The following ATP5MJ variants were observed in gnomAD, a reference collection of about 807,000 sequenced individuals.
The protein encoded by ATP5MJ is ATP synthase F(0) complex subunit j, mitochondrial.
A neutral mutation model predicts 8.3 loss-of-function variants in ATP5MJ; 4 were observed. The observed-to-expected ratio is 0.48, with a 90% CI of 0.24 to 1.11. The LOEUF is 1.11. Among genes scored for constraint, ATP5MJ ranks in the 50% least tolerant of loss-of-function variants. The probability of loss-of-function intolerance (pLI) is 0.18; values close to 1 mark genes in which losing one functional copy is unlikely to be tolerated. For missense variants in ATP5MJ, 66 were observed against 71.8 expected (o/e 0.92, Z 0.29); for synonymous variants, 23 against 21.3 (o/e 1.08, Z -0.23).
intron 1 of ATP5MJ, among the ~76,000 whole-genome samples, chr14:103,919,471 C>G (rs1283909065): frequency 1.3e-5 from 2 of 150,022 alleles, no homozygotes; most frequent in Non-Finnish European, 3.0e-5. Context: ...ATAATTAATA[C>G]TAAGCCACTG....
intron 1 of ATP5MJ, among the ~76,000 whole-genome samples, chr14:103,915,411 A>G (rs991371169): frequency 5.9e-5 from 9 of 151,984 alleles, no homozygotes; most frequent in Non-Finnish European, 7.4e-5. Flanking sequence ...CAGTGGCACA[A>G]TCTTGGCTCA....
At chr14:103,920,912 G>GCACATTA (rs1567187619) in intron 1 of ATP5MJ, 1 of 1,510,644 alleles carries the variant, frequency 6.6e-7, no homozygotes, top group Non-Finnish European at 9.0e-7. Flanking sequence ...CAAAGTTTTG[G>GCACATTA]CACATTACAT....
chr14:103,915,088 G>A lies in ATP5MJ; in HGVS notation c.102C>T (p.Ile34=), dbSNP rs768613036. The change falls in exon 2 of 4, where the codon ATC becomes ATT. Residue 34 remains isoleucine (I), a synonymous_variant. Coordinates refer to ENST00000286953, the MANE Select transcript of ATP5MJ (RefSeq NM_004894.3). ...TACCAGCAGCCCGGATTTTATAAAC[G>A]ATGAAGCCCATCAGCCCCATTCCTA... ...IWIGMGLMGF[I]VYKIRAADKR... 1.7e-5 allele frequency: 27 copies of A among 1,613,896 alleles called. 1 individual carries two copies. The highest frequency in any genetic ancestry group is 2.2e-5 in the Non-Finnish European group (26 of 1,180,006).
rs2152107166 is a variant in ATP5MJ, at chr14:103,914,379, T to C, written c.125-395A>G. ...CAAATATTCAGAACAGTTGAAAAGG[T>C]GCAATGAAATACCACATACCATGAA... On this transcript the variant is annotated intron_variant, in intron 2 of 3. Coordinates refer to ENST00000286953, the MANE Select transcript of ATP5MJ (RefSeq NM_004894.3). The C allele has an allele frequency of 7.4e-6, 4 of 543,382 alleles. No homozygotes were observed. In the East Asian group the frequency reaches 1.2e-4, roughly 16 times the overall value. 33.7% of individuals were successfully genotyped at this position (543,382 alleles called of 1,614,324 possible). A position where few individuals can be genotyped will look rare whatever the true frequency, so the allele number is the denominator to read the frequency against.
intron 1 of ATP5MJ, 104 bp from the exon 2 acceptor site, chr14:103,915,293 T>A (rs890347635): frequency 1.4e-5 from 19 of 1,334,788 alleles, no homozygotes; most frequent in Non-Finnish European, 2.0e-5. Context: ...CCATGACTGC[T>A]AGGGAGCCTC....
In ATP5MJ at chr14:103,915,061, C is replaced by T. The variant is rs140374540; in HGVS notation, c.124+5G>A. 6.9e-5 allele frequency: 112 copies of T among 1,613,526 alleles called. No homozygotes were observed. The highest frequency in any genetic ancestry group is 8.8e-5 in the Non-Finnish European group (104 of 1,179,886). On this transcript the variant is annotated splice_donor_5th_base_variant and intron_variant, in intron 2 of 3. Coordinates refer to ENST00000286953, the MANE Select transcript of ATP5MJ (RefSeq NM_004894.3). ...CTCAGAAAAATCAAACATAAGGAAA[C>T]GTACCAGCAGCCCGGATTTTATAAA...
chr14:103,921,073 C>T (rs79762929), intron 1 of ATP5MJ: 40,517 of 1,536,388 alleles, frequency 0.026, 699 homozygotes, highest in Middle Eastern at 0.062. Flanking sequence ...GGCAGTGTGG[C>T]GCAAGGAAAC....
chr14:103,914,230 A>G (rs533646018), intron 2 of ATP5MJ: 2 of 565,630 alleles, frequency 3.5e-6, no homozygotes, highest in Middle Eastern at 4.5e-4. Context: ...GTCTTGCAGC[A>G]TAAAGTTTTC....
At chr14:103,915,247 TAA>T in intron 1 of ATP5MJ, 58 bp from the exon 2 acceptor site, 1 of 1,578,454 alleles carries the variant, frequency 6.3e-7, no homozygotes, top group Non-Finnish European at 8.7e-7. Context: ...ACCTAACTGG[TAA>T]AAGATTTTAA....
chr14:103,913,252 GGAGGTTGCAGT>G (rs2087594816), intron 3 of ATP5MJ: 1 of 153,270 alleles, frequency 6.5e-6, no homozygotes, highest in Admixed American at 6.5e-5. Context: ...CCTGGAAGGC[GGAGGTTGCAGT>G]GAGCCAAGAT....
intron 2 of ATP5MJ, chr14:103,914,849 A>AAAAAAAAAAAAAG: frequency 8.2e-6 from 3 of 365,066 alleles, no homozygotes; most frequent in South Asian, 4.3e-5. Context: ...AAAAAAAAAA[A>AAAAAAAAAAAAAG]AAAAAAAAGA....
chr14:103,914,559 G>C, intron 2 of ATP5MJ: 1 of 688,782 alleles, frequency 1.5e-6, no homozygotes, highest in South Asian at 1.5e-5. Context: ...CCAGCACTTT[G>C]GGAAGCCAAG....
At chr14:103,914,837 CA>C (rs35916279) in intron 2 of ATP5MJ, 21,733 of 189,160 alleles carry the variant, frequency 0.11, 21 homozygotes, top group East Asian at 0.13. Context: ...AGACTGTCTC[CA>C]AAAAAAAAAA....
rs1431023900 is a variant in ATP5MJ at position 103,912,503 on chromosome 14, T to C, written c.*163A>G. The C allele has an allele frequency of 1.4e-6, 1 of 739,206 alleles. No individual in the cohort carries two copies. The highest frequency in any genetic ancestry group is 1.7e-5 in the South Asian group (1 of 57,746). 45.8% of individuals were successfully genotyped at this position (739,206 alleles called of 1,614,324 possible). A position where few individuals can be genotyped will look rare whatever the true frequency, so the allele number is the denominator to read the frequency against. ...CTGAGGGGGAACACACTGAAAGCAGTACCAGGTAGCAGTGCATCTCACAGA... is the reference window on the plus strand; with the variant it reads ...CTGAGGGGGAACACACTGAAAGCAGCACCAGGTAGCAGTGCATCTCACAGA... On this transcript the variant is annotated 3_prime_UTR_variant, in exon 4 of 4. Coordinates refer to ENST00000286953, the MANE Select transcript of ATP5MJ (RefSeq NM_004894.3).
chr14:103,912,875 T>C (rs926328886), intron 3 of ATP5MJ, 181 bp from the exon 4 acceptor site: 34 of 619,628 alleles, frequency 5.5e-5, no homozygotes, highest in African/African-American at 3.9e-4. Flanking sequence ...TAAGGGTTCA[T>C]GTAATGACAG....
chr14:103,912,673 T>C lies in ATP5MJ; in HGVS notation c.170A>G (p.His57Arg). 1 of 1,614,112 alleles carries C rather than the reference T, an allele frequency of 6.2e-7. No individual in the cohort carries two copies. The highest frequency in any genetic ancestry group is 8.5e-7 in the Non-Finnish European group (1 of 1,179,958). ...TACTCCAAGTAAATCTGGTTAGTGATGACCAGGAGCAGGCGCTGAAGCTTT... is the reference window on the plus strand; with the variant it reads ...TACTCCAAGTAAATCTGGTTAGTGACGACCAGGAGCAGGCGCTGAAGCTTT... ...ALKASAPAPGHH is the reference protein window; with the variant it reads ...ALKASAPAPGRH The change falls in exon 4 of 4, where the codon CAT becomes CGT. Residue 57 changes from histidine (H) to arginine (R), a missense_variant. Coordinates refer to ENST00000286953, the MANE Select transcript of ATP5MJ (RefSeq NM_004894.3).
chr14:103,918,744 C>T lies in ATP5MJ; in HGVS notation c.-1+2726G>A, dbSNP rs1046934579. ...TGCAATTCAAAGAGGAAACCAAGGC[C>T]GGGAGCGGTAGCTCACGCCTGTAAT... is the stretch of plus-strand genomic sequence containing the variant. On this transcript the variant is annotated intron_variant, in intron 1 of 3. Transcript: ENST00000286953. 4.6e-5 allele frequency among the ~76,000 whole-genome samples: 7 copies of T among 151,948 alleles called. No homozygotes were observed. In the East Asian group the frequency reaches 1.2e-3, roughly 26 times the overall value.
rs747588702 is a variant in ATP5MJ, at chr14:103,912,688, G to A, written c.155C>T (p.Ala52Val). Residue 52 changes from alanine (A) to valine (V), a missense_variant, in exon 4 of 4, where the codon GCG becomes GTG. By Grantham distance (64) the Ala-to-Val change is moderately conservative. Transcript: ENST00000286953. Reference sequence around the variant, plus strand: ...TGGTTAGTGATGACCAGGAGCAGGCGCTGAAGCTTTTGAAAGAGATGCATA... The same window carrying A: ...TGGTTAGTGATGACCAGGAGCAGGCACTGAAGCTTTTGAAAGAGATGCATA... ...DKRSKALKAS[A>V]PAPGHH 6 of 1,613,788 alleles carry A rather than the reference G, an allele frequency of 3.7e-6. No individual in the cohort carries two copies. The highest frequency in any genetic ancestry group is 2.7e-5 in the African/African-American group (2 of 74,902).
At chr14:103,915,648 ATT>A (rs542646013) in intron 1 of ATP5MJ, among the ~76,000 whole-genome samples, 64 of 132,768 alleles carry the variant, frequency 4.8e-4, no homozygotes, top group Admixed American at 5.3e-4. Context: ...GTGCCTGGCC[ATT>A]TTTTTTTTTT....
Sources: allele counts gnomAD v4.1 joint callset (sites outside exome capture counted in the v4.1 genomes callset), GRCh38; gene constraint gnomAD v4.1.1; transcripts MANE v1.5; gene names NCBI Gene and HGNC (gene_info 2026-07-23, HGNC 2026-07-21).